The following FAT3 variants were observed in gnomAD, a reference collection of about 807,000 sequenced individuals.
FAT3 encodes protocadherin Fat 3.
FAT3 carries 95 observed loss-of-function variants against 310.2 expected under a neutral mutation model. The ratio of observed to expected loss-of-function variants is 0.31; its 90% CI spans 0.26 to 0.36. FAT3 has a LOEUF of 0.36. FAT3 is among the 10% of genes least tolerant of loss of function. The pLI is 1.00. For missense variants in FAT3, 5,408 were observed against 5,715.6 expected (o/e 0.95, Z 1.74); for synonymous variants, 2,314 against 2,192.9 (o/e 1.06, Z -1.54).
At position 92,354,772 on chromosome 11, in the gene FAT3, A is replaced by C. The variant is rs745879192; in HGVS notation, c.2660A>C (p.Tyr887Ser). 1.9e-6 allele frequency: 3 copies of C among 1,613,844 alleles called. No homozygotes were observed. In the African/African-American group the frequency reaches 4.0e-5, roughly 22 times the overall value. Reference sequence around the variant, plus strand: ...ATCAATAGCTCAACTGGAATCGTTTATGTAGCCGACCAGTTGGACCGGGAA... The same window carrying C: ...ATCAATAGCTCAACTGGAATCGTTTCTGTAGCCGACCAGTTGGACCGGGAA... ...FAINSSTGIVYVADQLDRESK... is the reference protein window; with the variant it reads ...FAINSSTGIVSVADQLDRESK... The change falls in exon 2 of 28, where the codon TAT (tyrosine) becomes TCT (serine). Residue 887 changes from tyrosine (Y) to serine (S), a missense_variant. Physicochemically the swap from Tyr to Ser is moderately radical, Grantham distance 144 (BLOSUM62 -2). This residue lies in a region of FAT3 where 4,588 missense variants were observed against 4,809.8 expected (regional missense o/e 0.95). Coordinates refer to ENST00000525166, the MANE Select transcript of FAT3 (RefSeq NM_001367949.2).
intron 2 of FAT3, among the ~76,000 whole-genome samples, chr11:92,372,309 A>T (rs1949208738): frequency 6.6e-6 from 1 of 151,232 alleles, no homozygotes; most frequent in African/African-American, 2.4e-5. Flanking sequence ...GAGAGTTCTT[A>T]TCAGGGAGTA....
At chr11:92,396,226 A>G (rs1949865774) in intron 2 of FAT3, among the ~76,000 whole-genome samples, 1 of 152,222 alleles carries the variant, frequency 6.6e-6, no homozygotes, top group Non-Finnish European at 1.5e-5. Context: ...ACTTTCCAAG[A>G]TGAATATGAT....
intron 3 of FAT3, among the ~76,000 whole-genome samples, chr11:92,641,356 C>T (rs553746762): frequency 6.6e-6 from 1 of 152,208 alleles, no homozygotes; most frequent in South Asian, 2.1e-4. Context: ...TTCCTAGGGC[C>T]AATATGACAA....
chr11:92,428,237 T>C (rs1327786963), intron 2 of FAT3, among the ~76,000 whole-genome samples: 1 of 152,066 alleles, frequency 6.6e-6, no homozygotes, highest in Admixed American at 6.6e-5. Flanking sequence ...TTATCATTTT[T>C]ATTGTGTCTA....
chr11:92,540,937 C>G (rs566995668), intron 3 of FAT3, among the ~76,000 whole-genome samples: 1 of 152,154 alleles, frequency 6.6e-6, no homozygotes, highest in East Asian at 1.9e-4. Context: ...TTCTAATATT[C>G]AAGCTACAGG....
intron 3 of FAT3, among the ~76,000 whole-genome samples, chr11:92,603,538 A>G (rs1209183741): frequency 6.6e-6 from 1 of 152,220 alleles, no homozygotes; most frequent in Non-Finnish European, 1.5e-5. Context: ...CGATTTTGAA[A>G]TTTAGATTTC....
intron 2 of FAT3, chr11:92,367,306 G>A (rs1591179027): frequency 4.8e-6 from 1 of 208,872 alleles, no homozygotes; most frequent in East Asian, 1.1e-4. Flanking sequence ...TGAAGAACTG[G>A]TAGTAGAGGC....
At chr11:92,307,895 TAG>T in intron 1 of FAT3, among the ~76,000 whole-genome samples, 1 of 152,320 alleles carries the variant, frequency 6.6e-6, no homozygotes, top group African/African-American at 2.4e-5. Context: ...ACATGGGAAT[TAG>T]TAATCTCTTT....
intron 4 of FAT3, among the ~76,000 whole-genome samples, chr11:92,723,196 G>A (rs192511835): frequency 5.9e-5 from 9 of 152,214 alleles, no homozygotes; most frequent in Admixed American, 5.9e-4. Flanking sequence ...CCTCTTGAAC[G>A]TTTTGCTGCT....
intron 3 of FAT3, among the ~76,000 whole-genome samples, chr11:92,664,352 C>T (rs185149294): frequency 3.3e-4 from 51 of 152,286 alleles, no homozygotes; most frequent in African/African-American, 1.2e-3. Flanking sequence ...GTGATGGTCT[C>T]ATTGATCTTA....
At chr11:92,713,868 A>G (rs1320667287) in intron 4 of FAT3, among the ~76,000 whole-genome samples, 1 of 152,240 alleles carries the variant, frequency 6.6e-6, no homozygotes, top group African/African-American at 2.4e-5. Flanking sequence ...TTGCAAAGGG[A>G]TGAAGTTCTC....
chr11:92,449,739 T>C (rs971675612), intron 2 of FAT3, among the ~76,000 whole-genome samples: 1 of 152,166 alleles, frequency 6.6e-6, no homozygotes, highest in African/African-American at 2.4e-5. Flanking sequence ...GGGGCTTTTC[T>C]CAGAATTGAA....
intron 1 of FAT3, among the ~76,000 whole-genome samples, chr11:92,332,483 G>T (rs1385694647): frequency 6.6e-6 from 1 of 152,236 alleles, no homozygotes; most frequent in Non-Finnish European, 1.5e-5. Context: ...TTTTGTTGTT[G>T]TTGTTCTGTT....
rs150159060 is a variant in FAT3 at position 92,762,089 on chromosome 11, C to T, written c.3903C>T (p.Asp1301=). The T allele has an allele frequency of 1.3e-3, 2,020 of 1,613,918 alleles. 4 individuals are homozygous for T. Among genetic ancestry groups the T allele is most frequent in the Admixed American group, 3.3e-3 (196 of 60,012 alleles). The change falls in exon 5 of 28, where the codon GAC becomes GAT. Residue 1301 remains aspartate (D), a synonymous_variant. Coordinates refer to ENST00000525166, the MANE Select transcript of FAT3 (RefSeq NM_001367949.2). ...ACAGTATTGTGGATGGGAATGATGACGGAAAGTTCTTTATTGACCCTAAAA... is the reference window on the plus strand; with the variant it reads ...ACAGTATTGTGGATGGGAATGATGATGGAAAGTTCTTTATTGACCCTAAAA... The part of the protein sequence containing the change: ...ISYSIVDGND[D]GKFFIDPKTG...
intron 2 of FAT3, among the ~76,000 whole-genome samples, chr11:92,419,987 AAC>A (rs372563137): frequency 1.1e-4 from 17 of 152,216 alleles, no homozygotes; most frequent in African/African-American, 4.1e-4. Context: ...AGACAGGAGG[AAC>A]ACAGAGAGTC....
intron 14 of FAT3, 119 bp from the exon 15 acceptor site, chr11:92,834,751 A>C: frequency 1.1e-6 from 1 of 921,456 alleles, no homozygotes; most frequent in Non-Finnish European, 1.6e-6. Flanking sequence ...TAAATAAACA[A>C]ATTCCTGAAT....
intron 25 of FAT3, among the ~76,000 whole-genome samples, chr11:92,888,252 G>A (rs1241596206): frequency 2.0e-5 from 3 of 152,180 alleles, no homozygotes; most frequent in Non-Finnish European, 4.4e-5. Context: ...ACCATTATCG[G>A]AAGGTCAAAG....
chr11:92,352,665 G>T lies in FAT3; in HGVS notation c.553G>T (p.Ala185Ser). 6.2e-7 allele frequency: 1 copy of T among 1,613,824 alleles called. No individual in the cohort carries two copies. Among genetic ancestry groups the T allele is most frequent in the Non-Finnish European group, 8.5e-7 (1 of 1,179,852 alleles). Residue 185 changes from alanine (A) to serine (S), a missense_variant, in exon 2 of 28, where the codon GCA (alanine) becomes TCA (serine). Physicochemically the swap from Ala to Ser is moderately conservative, Grantham distance 99 (BLOSUM62 1). Transcript: ENST00000525166. ...TGTTGCCCAGGTGACTGCAACAGACGCAGATATTGGTTCCAATGGAGAATT... is the reference window on the plus strand; with the variant it reads ...TGTTGCCCAGGTGACTGCAACAGACTCAGATATTGGTTCCAATGGAGAATT... Reference protein sequence around the residue: ...TSVAQVTATDADIGSNGEFYY... With the variant: ...TSVAQVTATDSDIGSNGEFYY...
At position 92,893,115 on chromosome 11, in the gene FAT3, A is replaced by T. The variant is rs571487454; in HGVS notation, c.*2002A>T. The T allele has an allele frequency of 2.6e-4, 39 of 152,282 alleles. No homozygotes were observed. The highest frequency in any genetic ancestry group is 8.4e-4 in the African/African-American group (35 of 41,560). The allele number at this position is 152,282 out of a possible 1,614,324, so 9.4% of individuals were successfully genotyped here. On this transcript the variant is annotated 3_prime_UTR_variant, in exon 28 of 28. Transcript: ENST00000525166. ...ATTTTTAGTTATTTCAATTGCGTTT[A>T]ATCCACTTCTTTTTTATGAGTCAGT...
Sources: allele counts gnomAD v4.1 joint callset (sites outside exome capture counted in the v4.1 genomes callset), GRCh38; gene constraint gnomAD v4.1.1; regional missense constraint gnomAD v4.1.1; transcripts MANE v1.5; gene names NCBI Gene and HGNC (gene_info 2026-07-23, HGNC 2026-07-21).